The following PTPRG variants were observed in gnomAD, a reference collection of about 807,000 sequenced individuals.
PTPRG encodes receptor-type tyrosine-protein phosphatase gamma.
Under a neutral mutation model 165.3 loss-of-function variants are expected in PTPRG, and 102 were observed. That is an observed-to-expected ratio of 0.62 (90% CI 0.53 to 0.73). PTPRG has a LOEUF of 0.73. Among genes scored for constraint, PTPRG ranks in the 30% least tolerant of loss-of-function variants. The pLI is 0.00. For missense variants in PTPRG, 1,866 were observed against 1,861.4 expected (o/e 1.00, Z -0.05); for synonymous variants, 675 against 669.5 (o/e 1.01, Z -0.13).
chr3:62,243,692 C>A, intron 14 of PTPRG, 115 bp from the exon 15 acceptor site: 1 of 642,100 alleles, frequency 1.6e-6, no homozygotes, highest in South Asian at 2.6e-5. Flanking sequence ...ATGAGTTTAC[C>A]CTCAGTGCTG....
intron 1 of PTPRG, among the ~76,000 whole-genome samples, chr3:61,700,490 T>G (rs2030893009): frequency 6.6e-6 from 1 of 152,198 alleles, no homozygotes; most frequent in Admixed American, 6.5e-5. Context: ...TAAAGGAAAT[T>G]TATAACTAAA....
chr3:62,037,691 T>C (rs1467359544), intron 4 of PTPRG, among the ~76,000 whole-genome samples: 1 of 152,192 alleles, frequency 6.6e-6, no homozygotes, highest in African/African-American at 2.4e-5. Context: ...GACAACATAC[T>C]GTAGACTAGA....
In PTPRG at chr3:61,643,830, C is replaced by G. The variant is rs188976690; in HGVS notation, c.85+81458C>G. Reference sequence around the variant, plus strand: ...GTATATAGAGGACAGTCAGCAAATGCTTATTGAATGGTCAGTTTGATGATA... The same window carrying G: ...GTATATAGAGGACAGTCAGCAAATGGTTATTGAATGGTCAGTTTGATGATA... On this transcript the variant is annotated intron_variant, in intron 1 of 29. Coordinates refer to ENST00000474889, the MANE Select transcript of PTPRG (RefSeq NM_002841.4). Among the ~76,000 whole-genome samples, 316 of 152,094 alleles carry G rather than the reference C, an allele frequency of 2.1e-3. 2 individuals carry two copies. Among genetic ancestry groups the G allele is most frequent in the Non-Finnish European group, 3.6e-3 (248 of 67,980 alleles).
At chr3:61,614,868 T>C (rs571743108) in intron 1 of PTPRG, among the ~76,000 whole-genome samples, 30 of 152,356 alleles carry the variant, frequency 2.0e-4, no homozygotes, top group African/African-American at 7.0e-4. Flanking sequence ...TTATTATGTC[T>C]GCCCTTTGGA....
Position 61,939,300 on chromosome 3 carries a change from C to T in PTPRG, c.191-50325C>T, listed in dbSNP as rs979266223. On this transcript the variant is annotated intron_variant, in intron 2 of 29. Transcript: ENST00000474889. ...TGACATGAAGTGCCTCTAAGCAGAC[C>T]TCAAACAAGCTCCTTGCCTCCCATA... 4.6e-5 allele frequency among the ~76,000 whole-genome samples: 7 copies of T among 152,154 alleles called. 1 individual carries two copies. The highest frequency in any genetic ancestry group is 3.2e-3 in the Middle Eastern group (1 of 316).
intron 1 of PTPRG, among the ~76,000 whole-genome samples, chr3:61,705,335 G>GT (rs1341353787): frequency 6.6e-6 from 1 of 152,146 alleles, no homozygotes; most frequent in African/African-American, 2.4e-5. Flanking sequence ...GGGAGAGGGA[G>GT]TTGGAGGGTG....
At chr3:61,931,985 G>T (rs562584069) in intron 2 of PTPRG, among the ~76,000 whole-genome samples, 3 of 152,152 alleles carry the variant, frequency 2.0e-5, no homozygotes, top group African/African-American at 7.2e-5. Context: ...AACCTTTATT[G>T]TACTCATGAC....
intron 4 of PTPRG, among the ~76,000 whole-genome samples, chr3:62,076,489 G>GT (rs200643852): frequency 6.6e-5 from 10 of 150,646 alleles, no homozygotes; most frequent in Admixed American, 1.3e-4. Context: ...CCCAGGTCTG[G>GT]TTTTTTTTGT....
At chr3:61,726,986 G>T (rs1206221236) in intron 1 of PTPRG, among the ~76,000 whole-genome samples, 3 of 151,394 alleles carry the variant, frequency 2.0e-5, no homozygotes, top group Non-Finnish European at 2.9e-5. Flanking sequence ...GGCGGAGCTT[G>T]CAGTGAGCCG....
chr3:61,575,663 C>G (rs1700160302), intron 1 of PTPRG, among the ~76,000 whole-genome samples: 1 of 147,536 alleles, frequency 6.8e-6, no homozygotes, highest in Non-Finnish European at 1.5e-5. Flanking sequence ...CAGTGGCGCA[C>G]TTTCGGCTCG....
intron 6 of PTPRG, among the ~76,000 whole-genome samples, chr3:62,136,340 G>C (rs113448217): frequency 0.012 from 1,768 of 152,260 alleles, 24 homozygotes; most frequent in African/African-American, 0.027. Flanking sequence ...TTGGTGATTG[G>C]AGGTGGCTCA....
chr3:62,081,683 T>A (rs1273491122), intron 5 of PTPRG, among the ~76,000 whole-genome samples: 3 of 152,224 alleles, frequency 2.0e-5, no homozygotes, highest in African/African-American at 7.2e-5. Context: ...GCTTATATGC[T>A]TGAATTCTCA....
At chr3:62,206,271 C>G (rs924992164) in intron 12 of PTPRG, among the ~76,000 whole-genome samples, 1 of 152,076 alleles carries the variant, frequency 6.6e-6, no homozygotes, top group African/African-American at 2.4e-5. Flanking sequence ...TTGGGGGCTC[C>G]CTACTCCAGG....
rs140623731 is a variant in PTPRG, at chr3:62,271,362, C to CT, written c.3010-15dup. On this transcript the variant is annotated intron_variant, in intron 20 of 29. Transcript: ENST00000474889. The surrounding 1 kb of genome is among the most constrained non-coding windows in gnomAD (Gnocchi z 4.1). ...TGTCCACCCCCCCGCTTAAAGACATCTTTTTTCACTTTTCTCACAGGGTCA... is the reference window on the plus strand; with the variant it reads ...TGTCCACCCCCCCGCTTAAAGACATCTTTTTTTCACTTTTCTCACAGGGTCA... The CT allele has an allele frequency of 3.8e-6, 6 of 1,575,008 alleles. No homozygotes were observed. The East Asian group carries it at 1.4e-4, about 36-fold the overall frequency.
At chr3:61,636,116 C>G (rs1701901410) in intron 1 of PTPRG, among the ~76,000 whole-genome samples, 1 of 152,150 alleles carries the variant, frequency 6.6e-6, no homozygotes, top group Non-Finnish European at 1.5e-5. Flanking sequence ...GTCTAAAGTA[C>G]TGTATATTGC....
intron 8 of PTPRG, among the ~76,000 whole-genome samples, chr3:62,184,502 A>T (rs1329326828): frequency 6.6e-6 from 1 of 152,190 alleles, no homozygotes. Flanking sequence ...CCCTTAAAGG[A>T]TTCCATATTT....
intron 2 of PTPRG, among the ~76,000 whole-genome samples, chr3:61,866,549 C>G (rs1035128078): frequency 7.1e-6 from 1 of 141,570 alleles, no homozygotes; most frequent in Non-Finnish European, 1.5e-5. Flanking sequence ...ATTACACTTA[C>G]ACAGAGCTTC....
chr3:61,946,114 T>C (rs1238098134), intron 2 of PTPRG, among the ~76,000 whole-genome samples: 1 of 152,240 alleles, frequency 6.6e-6, no homozygotes, highest in African/African-American at 2.4e-5. Context: ...AATTAAAAAC[T>C]TGGCCACAAT....
chr3:61,612,021 C>T (rs564856586), intron 1 of PTPRG, among the ~76,000 whole-genome samples: 3 of 152,276 alleles, frequency 2.0e-5, no homozygotes, highest in Admixed American at 2.0e-4. Flanking sequence ...CGGCTCACTG[C>T]AACCTCCGCC....
Sources: allele counts gnomAD v4.1 joint callset (sites outside exome capture counted in the v4.1 genomes callset), GRCh38; gene constraint gnomAD v4.1.1; non-coding constraint Gnocchi (gnomAD v3.1); transcripts MANE v1.5; gene names NCBI Gene and HGNC (gene_info 2026-07-23, HGNC 2026-07-21).